XPO4: variants seen among roughly 807,000 people sequenced by gnomAD.
XPO4 encodes the protein exportin-4.
A neutral mutation model predicts 143.0 loss-of-function variants in XPO4; 39 were observed. The observed-to-expected ratio is 0.27, with a 90% CI of 0.21 to 0.36. The LOEUF is 0.36. XPO4 is among the 10% of genes least tolerant of loss of function. The pLI, the probability that XPO4 is intolerant of heterozygous loss-of-function variation, is 1.00. For missense variants in XPO4, 907 were observed against 1,348.0 expected (o/e 0.67, Z 5.12); for synonymous variants, 439 against 474.0 (o/e 0.93, Z 0.96).
chr13:20,850,238 A>C, intron 4 of XPO4: 10 of 985,066 alleles, frequency 1.0e-5, no homozygotes, highest in Non-Finnish European at 1.1e-5. Flanking sequence ...TTCTATGAAG[A>C]AAGCAGTGAG....
chr13:20,895,799 A>T (rs1042584155), intron 1 of XPO4, among the ~76,000 whole-genome samples: 6 of 150,702 alleles, frequency 4.0e-5, no homozygotes, highest in African/African-American at 1.5e-4. Flanking sequence ...CTTCCCATTT[A>T]AAAAAAAAGC....
chr13:20,893,467 C>T (rs540101404), intron 1 of XPO4, among the ~76,000 whole-genome samples: 2 of 152,242 alleles, frequency 1.3e-5, no homozygotes, highest in East Asian at 1.9e-4. Flanking sequence ...TGGCCAAGCA[C>T]GGTGGCTCAT....
intron 3 of XPO4, among the ~76,000 whole-genome samples, chr13:20,858,675 G>A (rs1010207641): frequency 1.7e-4 from 26 of 151,944 alleles, no homozygotes; most frequent in Non-Finnish European, 5.9e-5. Flanking sequence ...TTCGAGACCA[G>A]CCTGGCCAAA....
Position 20,879,073 on chromosome 13 carries a change from A to C in XPO4, c.70-10372T>G, listed in dbSNP as rs539872995. ...AAACAGAAGCGAACGCAGGGATCCAAAGATGAATGCAAGCACTCATGTGTT... is the reference window on the plus strand; with the variant it reads ...AAACAGAAGCGAACGCAGGGATCCACAGATGAATGCAAGCACTCATGTGTT... On this transcript the variant is annotated intron_variant, in intron 1 of 22. Transcript: ENST00000255305. 28 of 973,160 alleles carry C rather than the reference A, an allele frequency of 2.9e-5. No individual in the cohort carries two copies. The African/African-American group carries it at 4.7e-4, about 16-fold the overall frequency. The allele number at this position is 973,160 out of a possible 1,614,324, so 60.3% of individuals were successfully genotyped here.
chr13:20,815,803 G>T (rs2059642281), intron 9 of XPO4, among the ~76,000 whole-genome samples: 1 of 152,110 alleles, frequency 6.6e-6, no homozygotes, highest in Admixed American at 6.6e-5. Context: ...CTTTACAACA[G>T]TTTGGAAGTG....
intron 4 of XPO4, chr13:20,852,449 G>C: frequency 1.0e-6 from 1 of 985,254 alleles, no homozygotes; most frequent in Non-Finnish European, 1.2e-6. Flanking sequence ...GACCAACATT[G>C]GATAATGCAC....
At chr13:20,832,379 G>A (rs1374112065) in intron 6 of XPO4, among the ~76,000 whole-genome samples, 1 of 152,184 alleles carries the variant, frequency 6.6e-6, no homozygotes, top group Non-Finnish European at 1.5e-5. Flanking sequence ...GTATCGTTTT[G>A]TGATTGTGAA....
At chr13:20,880,039 A>C (rs2060392079) in intron 1 of XPO4, among the ~76,000 whole-genome samples, 1 of 152,250 alleles carries the variant, frequency 6.6e-6, no homozygotes, top group African/African-American at 2.4e-5. Context: ...CCATGAGAAC[A>C]GACATATTAG....
intron 4 of XPO4, chr13:20,851,722 AAAAAAAAAGAAAG>A (rs1224020263): frequency 2.4e-5 from 23 of 955,200 alleles, no homozygotes; most frequent in Middle Eastern, 5.4e-4. Flanking sequence ...AAAAAAAAAA[AAAAAAAAAGAAAG>A]AAAGAAAGAA....
chr13:20,798,699 T>TCA (rs759171696), intron 16 of XPO4, among the ~76,000 whole-genome samples: 6 of 151,992 alleles, frequency 3.9e-5, no homozygotes, highest in Non-Finnish European at 8.8e-5. Flanking sequence ...TTCAACCCAT[T>TCA]CATTAGGAGA....
intron 1 of XPO4, among the ~76,000 whole-genome samples, chr13:20,880,094 G>A (rs1263188834): frequency 6.6e-6 from 1 of 152,162 alleles, no homozygotes. Context: ...TGGAACCTTT[G>A]TACACTGCTG....
At chr13:20,889,932 A>G (rs1200570307) in intron 1 of XPO4, among the ~76,000 whole-genome samples, 1 of 152,212 alleles carries the variant, frequency 6.6e-6, no homozygotes, top group African/African-American at 2.4e-5. Context: ...TTATAACTAC[A>G]AAGCAAAGAA....
intron 3 of XPO4, among the ~76,000 whole-genome samples, chr13:20,857,340 C>T (rs563526069): frequency 6.6e-6 from 1 of 152,254 alleles, no homozygotes; most frequent in African/African-American, 2.4e-5. Context: ...TTATTGAATG[C>T]TTACTATATG....
At chr13:20,791,597 T>A (rs910969741) in intron 18 of XPO4, among the ~76,000 whole-genome samples, 1 of 152,142 alleles carries the variant, frequency 6.6e-6, no homozygotes, top group Non-Finnish European at 1.5e-5. Context: ...GAATATAAAA[T>A]TGAATTTAGT....
intron 1 of XPO4, among the ~76,000 whole-genome samples, chr13:20,889,373 T>A (rs960811458): frequency 1.3e-5 from 2 of 152,124 alleles, no homozygotes. Context: ...AGACCTTGAG[T>A]CTTCAGATGA....
At chr13:20,879,092 ATG>A in intron 1 of XPO4, 1 of 984,568 alleles carries the variant, frequency 1.0e-6, no homozygotes, top group Non-Finnish European at 1.2e-6. Context: ...GCAAGCACTC[ATG>A]TGTTTACCCT....
At chr13:20,851,230 G>A (rs2060082213) in intron 4 of XPO4, 3 of 985,272 alleles carry the variant, frequency 3.0e-6, no homozygotes, top group Non-Finnish European at 1.2e-6. Context: ...CTAGTTTCAA[G>A]CTACTGGGCA....
At chr13:20,849,070 C>T in intron 4 of XPO4, 1 of 985,436 alleles carries the variant, frequency 1.0e-6, no homozygotes, top group Non-Finnish European at 1.2e-6. Context: ...CACCAGCTTA[C>T]TGTCACAAGC....
At position 20,868,719 on chromosome 13, in the gene XPO4, A is replaced by G; in HGVS notation, c.70-18T>C. ...GGTGGTGCCTTGAGAGTTAAAGACA[A>G]GAACAGATACACTTATCTAATGACA... On this transcript the variant is annotated intron_variant, in intron 1 of 22. Transcript: ENST00000255305. 1 of 1,606,048 alleles carries G rather than the reference A, an allele frequency of 6.2e-7. No individual in the cohort carries two copies. Among genetic ancestry groups the G allele is most frequent in the Non-Finnish European group, 8.5e-7 (1 of 1,174,684 alleles).
Sources: gnomAD v4.1 joint callset for allele counts (sites outside exome capture counted in the v4.1 genomes callset) on GRCh38, gnomAD v4.1.1 for gene constraint, MANE v1.5 for transcripts, NCBI Gene and HGNC (gene_info 2026-07-23, HGNC 2026-07-21) for gene names.